COL6A1: variants seen among roughly 807,000 people sequenced by gnomAD.
The protein encoded by COL6A1 is collagen type VI alpha 1 chain.
A neutral mutation model predicts 145.6 loss-of-function variants in COL6A1; 80 were observed. The observed-to-expected ratio is 0.55, with a 90% confidence interval of 0.46 to 0.66. COL6A1 has a LOEUF of 0.66. Among genes scored for constraint, COL6A1 ranks in the 30% least tolerant of loss-of-function variants. The pLI is 0.00. For synonymous variants in COL6A1, 638 were observed against 622.8 expected, an observed-to-expected ratio of 1.02 and a Z score of -0.36; for missense variants, 1,364 against 1,473.8, an observed-to-expected ratio of 0.93 and a Z score of 1.22.
chr21:45,996,537 A>G (rs1455467501), intron 20 of COL6A1, among the ~76,000 whole-genome samples: 1 of 152,370 alleles, frequency 6.6e-6, no homozygotes, highest in East Asian at 1.9e-4. Context: ...GACAGGCCTC[A>G]TCGGGAAGCA....
intron 21 of COL6A1, 88 bp from the exon 22 acceptor site, chr21:45,997,612 G>A (rs1029360704): frequency 6.5e-7 from 1 of 1,544,228 alleles, no homozygotes; most frequent in East Asian, 2.4e-5. Flanking sequence ...GCTCCCGATG[G>A]GACCTCTCCC....
rs1433711498 is a variant in COL6A1, at chr21:45,994,241, T to A, written c.1398+12T>A. The A allele has an allele frequency of 6.2e-7, 1 of 1,607,014 alleles. No homozygotes were observed. The highest frequency in any genetic ancestry group is 1.1e-5 in the South Asian group (1 of 89,516). On this transcript the variant is annotated intron_variant, in intron 20 of 34. Transcript: ENST00000361866. This position sits in a 1 kb window ranked among gnomAD's most constrained non-coding sequence, Gnocchi z 6.8. ...TCCCTGGAGACCCGGTAGGAAGCGC[T>A]GTGGGGTTGGGGGGCGTTGGCCAAT... is the stretch of plus-strand genomic sequence containing the variant.
rs1001274995 is a variant in COL6A1 at position 46,002,875 on chromosome 21, C to T, written c.2434+165C>T. 2.0e-4 allele frequency among the ~76,000 whole-genome samples: 30 copies of T among 152,028 alleles called. 1 individual carries two copies. Among genetic ancestry groups the T allele is most frequent in the African/African-American group, 7.0e-4 (29 of 41,446 alleles). ...GGGCCGTCCCAGATCTGTGTAGGTG[C>T]GCGCAGGCGCCCAGGGCTGTCCCAG... On this transcript the variant is annotated intron_variant, in intron 33 of 34. Transcript: ENST00000361866.
In COL6A1 at chr21:46,004,118, A is replaced by G; in HGVS notation, c.*105A>G. On this transcript the variant is annotated 3_prime_UTR_variant, in exon 35 of 35. Transcript: ENST00000361866. The stretch of plus-strand genomic sequence containing the variant: ...ATTTTCCCGACCAACCTGATTCGCT[A>G]GATTTTTTTTAAGGAAAAGCTTGGA... 6.7e-7 allele frequency: 1 copy of G among 1,484,844 alleles called. No homozygotes were observed. The highest frequency in any genetic ancestry group is 9.2e-7 in the Non-Finnish European group (1 of 1,081,912). The allele number at this position is 1,484,844 out of a possible 1,614,324, so 92.0% of individuals were successfully genotyped here. A position where few individuals can be genotyped will look rare whatever the true frequency, so the allele number is the denominator to read the frequency against.
rs970233769 is a variant in COL6A1 at position 46,004,303 on chromosome 21, C to T, written c.*290C>T. On this transcript the variant is annotated 3_prime_UTR_variant, in exon 35 of 35. Coordinates refer to ENST00000361866, the MANE Select transcript of COL6A1 (RefSeq NM_001848.3). The stretch of plus-strand genomic sequence containing the variant: ...CAGCCCTGAGCTGGCGTCACCTGTG[C>T]AGGGCCCTCTGGGGCTCAGCCCTGA... The T allele has an allele frequency of 2.0e-6, 1 of 510,114 alleles. No homozygotes were observed. The highest frequency in any genetic ancestry group is 3.5e-6 in the Non-Finnish European group (1 of 282,974). 31.6% of individuals were successfully genotyped at this position (510,114 alleles called of 1,614,324 possible). A position where few individuals can be genotyped will look rare whatever the true frequency, so the allele number is the denominator to read the frequency against.
rs2077708410 is a variant in COL6A1 at position 45,981,804 on chromosome 21, G to A, written c.-47G>A. ...CCTCGGTCTCTGGGCGGCGGCGGCGGCCCACTCTGCCCTGGCCGCGCTGTG... is the reference window on the plus strand; with the variant it reads ...CCTCGGTCTCTGGGCGGCGGCGGCGACCCACTCTGCCCTGGCCGCGCTGTG... On this transcript the variant is annotated 5_prime_UTR_variant, in exon 1 of 35. Transcript: ENST00000361866. The A allele has an allele frequency of 5.5e-6, 8 of 1,442,964 alleles. No individual in the cohort carries two copies. In the East Asian group the frequency reaches 1.0e-4, roughly 19 times the overall value. The allele number at this position is 1,442,964 out of a possible 1,614,324, so 89.4% of individuals were successfully genotyped here. A position where few individuals can be genotyped will look rare whatever the true frequency, so the allele number is the denominator to read the frequency against.
At chr21:45,993,057 C>T (rs991854607) in intron 19 of COL6A1, among the ~76,000 whole-genome samples, 8 of 152,362 alleles carry the variant, frequency 5.3e-5, no homozygotes, top group East Asian at 3.9e-4. Context: ...TCCCACCAGG[C>T]GGCTTCCACG....
In COL6A1 at chr21:45,990,399, A is replaced by G. The variant is rs543195574; in HGVS notation, c.979A>G (p.Ile327Val). 16 of 1,290,742 alleles carry G rather than the reference A, an allele frequency of 1.2e-5. No individual in the cohort carries two copies. The South Asian group carries it at 1.7e-4, about 13-fold the overall frequency. The allele number at this position is 1,290,742 out of a possible 1,614,324, so 80.0% of individuals were successfully genotyped here. ...GYKGEKGKRGIDGVDGVKGEM... is the reference protein window; with the variant it reads ...GYKGEKGKRGVDGVDGVKGEM... ...ACAGGGAGAGAAGGGCAAGCGTGGC[A>G]TCGACGGGGTGGACGGCGTGAAGGT... The change falls in exon 13 of 35, where the codon ATC (isoleucine) becomes GTC (valine). Residue 327 changes from isoleucine to valine, a missense_variant. Transcript: ENST00000361866.
rs1262861317 is a variant in COL6A1, at chr21:46,002,204, C to T, written c.2067-14C>T. 1.3e-6 allele frequency: 2 copies of T among 1,594,718 alleles called. No individual in the cohort carries two copies. The highest frequency in any genetic ancestry group is 8.5e-7 in the Non-Finnish European group (1 of 1,174,272). ...CCTGGCCCCAACCGGCCCTTCCTGC[C>T]CTTTGCTATGCAGAGCCATCAAGAG... On this transcript the variant is annotated splice_polypyrimidine_tract_variant and intron_variant, in intron 31 of 34. Coordinates refer to ENST00000361866, the MANE Select transcript of COL6A1 (RefSeq NM_001848.3).
chr21:45,982,716 C>T lies in COL6A1; in HGVS notation c.180C>T (p.Asp60=). The T allele has an allele frequency of 6.2e-7, 1 of 1,612,772 alleles. No individual in the cohort carries two copies. Among genetic ancestry groups the T allele is most frequent in the South Asian group, 1.1e-5 (1 of 91,086 alleles). The change falls in exon 2 of 35, where the codon GAC becomes GAT. Residue 60 remains aspartate, a synonymous_variant. Transcript: ENST00000361866. ...LRLKPYGALV[D]KVKSFTKRFI... is the part of the protein sequence containing the mutation. The stretch of plus-strand genomic sequence containing the variant: ...TGAAGCCCTACGGGGCCCTCGTGGA[C>T]AAAGTCAAGTCCTTCACCAAGCGCT...
chr21:45,989,287 AG>A, intron 9 of COL6A1, 150 bp downstream of exon 9: 1 of 889,562 alleles, frequency 1.1e-6, no homozygotes, highest in East Asian at 2.6e-5. Flanking sequence ...GAGGGGCCAC[AG>A]CCCAGCCATC....
At chr21:45,987,283 G>A (rs1009897609) in intron 6 of COL6A1, 108 bp downstream of exon 6, 13 of 1,539,680 alleles carry the variant, frequency 8.4e-6, no homozygotes, top group African/African-American at 2.8e-5. Flanking sequence ...CCATGTGCCC[G>A]GGACACATGT....
Position 45,994,302 on chromosome 21 carries a change from C to T in COL6A1, c.1398+73C>T, listed in dbSNP as rs752097602. On this transcript the variant is annotated intron_variant, in intron 20 of 34. Transcript: ENST00000361866. This position sits in a 1 kb window ranked among gnomAD's most constrained non-coding sequence, Gnocchi z 6.8. ...GGGGTAGAAGTGCTCCAGCAGCTCACGCACTGGGGGTCTGTTCATTTCCGT... is the reference window on the plus strand; with the variant it reads ...GGGGTAGAAGTGCTCCAGCAGCTCATGCACTGGGGGTCTGTTCATTTCCGT... 3.0e-4 allele frequency: 417 copies of T among 1,369,934 alleles called. No homozygotes were observed. The highest frequency in any genetic ancestry group is 4.1e-4 in the Non-Finnish European group (399 of 979,036). 84.9% of individuals were successfully genotyped at this position (1,369,934 alleles called of 1,614,324 possible).
chr21:45,999,053 G>A, intron 25 of COL6A1, 94 bp downstream of exon 25: 1 of 1,540,980 alleles, frequency 6.5e-7, no homozygotes, highest in Non-Finnish European at 8.8e-7. Context: ...CGCTTGGGGA[G>A]GCCTCATGGG....
At chr21:45,990,215 C>T in intron 11 of COL6A1, 43 bp from the exon 12 acceptor site, 1 of 1,611,946 alleles carries the variant, frequency 6.2e-7, no homozygotes, top group East Asian at 2.2e-5. Context: ...CCCTGCCCTC[C>T]CCACCCCAAA....
At chr21:45,987,111 G>A in intron 5 of COL6A1, 39 bp downstream of exon 5, 1 of 1,575,300 alleles carries the variant, frequency 6.3e-7, no homozygotes, top group Non-Finnish European at 8.6e-7. Flanking sequence ...GCCCGCGGCG[G>A]CCGCAGGTGG....
At chr21:45,998,719 C>T (rs2077821023) in intron 24 of COL6A1, among the ~76,000 whole-genome samples, 178 bp from the exon 25 acceptor site, 1 of 152,238 alleles carries the variant, frequency 6.6e-6, no homozygotes, top group Non-Finnish European at 1.5e-5. Context: ...CCCCAGAGGC[C>T]GCCCCACGGC....
rs2077865473 is a variant in COL6A1, at chr21:46,003,933, C to T, written c.3007C>T (p.Leu1003=). The change falls in exon 35 of 35, where the codon CTG becomes TTG. Residue 1003 remains leucine, a synonymous_variant. Coordinates refer to ENST00000361866, the MANE Select transcript of COL6A1 (RefSeq NM_001848.3). ...EYDVAYGESH[L]FRVPSYQALL... Reference sequence around the variant, plus strand: ...CGACGTGGCCTACGGCGAGAGCCACCTGTTCCGTGTCCCCAGCTACCAGGC... The same window carrying T: ...CGACGTGGCCTACGGCGAGAGCCACTTGTTCCGTGTCCCCAGCTACCAGGC... 1.2e-6 allele frequency: 2 copies of T among 1,611,406 alleles called. No homozygotes were observed.
At chr21:45,982,030 C>G (rs2077710096) in intron 1 of COL6A1, 83 bp downstream of exon 1, 1 of 1,129,744 alleles carries the variant, frequency 8.9e-7, no homozygotes, top group South Asian at 1.3e-5. Context: ...TCCCCTCCCA[C>G]GCGTGGAACT....
Sources: allele counts gnomAD v4.1 joint callset (sites outside exome capture counted in the v4.1 genomes callset), GRCh38; gene constraint gnomAD v4.1.1; non-coding constraint Gnocchi (gnomAD v3.1); transcripts MANE v1.5; gene names NCBI Gene and HGNC (gene_info 2026-07-23, HGNC 2026-07-21).